PATJ: variants seen among roughly 807,000 people sequenced by gnomAD.
PATJ encodes inaD-like protein.
In PATJ, 190 loss-of-function variants were observed where a neutral mutation model predicts 224.9. That is an observed-to-expected ratio of 0.84 (90% CI 0.75 to 0.95). The LOEUF is 0.95. Ranked by LOEUF, PATJ falls within the 40% of genes least tolerant of loss-of-function variation. The pLI is 0.00. For missense variants in PATJ, 2,121 were observed against 2,270.3 expected (o/e 0.93, Z 1.34); for synonymous variants, 769 against 820.3 (o/e 0.94, Z 1.07).
In PATJ at chr1:61,896,423, G is replaced by C. The variant is rs533469054; in HGVS notation, c.3132-3160G>C. ...GAATGAAAACATTTACCCAATGCCT[G>C]TACCCCCATTGTATCTTGGGAATAA... On this transcript the variant is annotated intron_variant, in intron 22 of 43. Coordinates refer to ENST00000642238, the MANE Select transcript of PATJ (RefSeq NM_001350145.3). Among the ~76,000 whole-genome samples the C allele has an allele frequency of 1.2e-4, 18 of 152,140 alleles. No individual in the cohort carries two copies. The East Asian group carries it at 2.7e-3, about 23-fold the overall frequency.
At chr1:61,889,259 T>C (rs747873810) in intron 22 of PATJ, among the ~76,000 whole-genome samples, 18 of 152,214 alleles carry the variant, frequency 1.2e-4, no homozygotes, top group Non-Finnish European at 2.4e-4. Context: ...ATGATTGTGA[T>C]GTTTTATCTA....
chr1:61,846,007 T>A (rs1251437079), intron 17 of PATJ: 1 of 152,212 alleles, frequency 6.6e-6, no homozygotes, highest in Non-Finnish European at 1.5e-5. Context: ...TTGGTCTAAG[T>A]TACATATGCT....
At chr1:62,022,176 T>C (rs970138691) in intron 29 of PATJ, among the ~76,000 whole-genome samples, 3 of 152,200 alleles carry the variant, frequency 2.0e-5, no homozygotes, top group African/African-American at 7.2e-5. Flanking sequence ...CTTTAGTCTA[T>C]AGCAATGTAC....
At chr1:61,751,352 T>C (rs1209258000) in intron 1 of PATJ, among the ~76,000 whole-genome samples, 2 of 152,070 alleles carry the variant, frequency 1.3e-5, no homozygotes, top group Non-Finnish European at 2.9e-5. Flanking sequence ...CAGTCGGCAG[T>C]GCGGGTAAAA....
rs747065507 is a variant in PATJ at position 62,071,490 on chromosome 1, C to CTTTTT, written c.4126-7944_4126-7940dup. ...ATAACCTGTTCAGGTTTGTAGATCA[C>CTTTTT]TTTTTTTTTTTTTTTTTTTTGAGAC... On this transcript the variant is annotated intron_variant, in intron 31 of 43. Coordinates refer to ENST00000642238, the MANE Select transcript of PATJ (RefSeq NM_001350145.3). 1.6e-4 allele frequency among the ~76,000 whole-genome samples: 19 copies of CTTTTT among 117,742 alleles called. 1 individual carries two copies. Among genetic ancestry groups the CTTTTT allele is most frequent in the African/African-American group, 4.5e-4 (14 of 31,356 alleles). The allele number at this position is 117,742 out of a possible 152,430, so 77.2% of individuals were successfully genotyped here. A position where few individuals can be genotyped will look rare whatever the true frequency, so the allele number is the denominator to read the frequency against.
At chr1:61,796,226 C>T (rs12030784) in intron 10 of PATJ, among the ~76,000 whole-genome samples, 24,666 of 152,132 alleles carry the variant, frequency 0.16, 2,430 homozygotes, top group East Asian at 0.47. Context: ...AGTTGAAATA[C>T]TTACAGCTAG....
intron 30 of PATJ, chr1:62,038,802 A>T (rs1650922388): frequency 1.6e-6 from 1 of 611,750 alleles, no homozygotes. Context: ...TTCTTTCAAC[A>T]CGTGTTCAGG....
intron 27 of PATJ, among the ~76,000 whole-genome samples, chr1:61,932,666 G>A (rs904147359): frequency 6.6e-6 from 1 of 152,202 alleles, no homozygotes; most frequent in African/African-American, 2.4e-5. Context: ...TTGGGAGGCC[G>A]AGGTGGGTGG....
chr1:62,152,771 C>T (rs1191241008), intron 42 of PATJ, among the ~76,000 whole-genome samples: 3 of 152,186 alleles, frequency 2.0e-5, no homozygotes, highest in Admixed American at 1.3e-4. Flanking sequence ...CTAGGAGACA[C>T]GCTACCTCTG....
intron 41 of PATJ, among the ~76,000 whole-genome samples, chr1:62,139,511 C>A (rs1227181757): frequency 6.6e-6 from 1 of 152,022 alleles, no homozygotes; most frequent in Non-Finnish European, 1.5e-5. Context: ...CAGTCAGTCC[C>A]TGATGGTGAT....
At chr1:61,996,281 A>G (rs1279199907) in intron 28 of PATJ, among the ~76,000 whole-genome samples, 2 of 152,216 alleles carry the variant, frequency 1.3e-5, no homozygotes, top group Non-Finnish European at 2.9e-5. Context: ...TAAAAGTTAA[A>G]TGACTGGCCC....
intron 33 of PATJ, among the ~76,000 whole-genome samples, chr1:62,089,547 A>G (rs17123057): frequency 0.083 from 12,701 of 152,236 alleles, 991 homozygotes; most frequent in African/African-American, 0.21. Context: ...ATCAAAAGCC[A>G]TAAGTTAGAC....
rs1449247193 is a variant in PATJ, at chr1:62,127,953, T to C, written c.5044-19T>C. 5.0e-6 allele frequency: 8 copies of C among 1,613,350 alleles called. No individual in the cohort carries two copies. In the African/African-American group the frequency reaches 8.0e-5, roughly 16 times the overall value. On this transcript the variant is annotated intron_variant, in intron 39 of 43. Transcript: ENST00000642238. ...CTCTTTATTAAATATAAAAGCATTA[T>C]GTTTTCTTCCTTTTTTAGGAGCTCA...
chr1:62,105,918 T>C (rs184868317), intron 33 of PATJ, among the ~76,000 whole-genome samples: 137 of 150,350 alleles, frequency 9.1e-4, no homozygotes, highest in Admixed American at 1.7e-3. Flanking sequence ...TGTTTTTCTG[T>C]TGTTATTTTG....
chr1:61,764,420 AT>A (rs59652657), intron 3 of PATJ, among the ~76,000 whole-genome samples: 8,337 of 147,620 alleles, frequency 0.056, 479 homozygotes, highest in African/African-American at 0.15. Flanking sequence ...CAGTTGTGGG[AT>A]TTTTTTTTTT....
At chr1:62,104,224 G>C (rs1662594918) in intron 33 of PATJ, among the ~76,000 whole-genome samples, 1 of 152,110 alleles carries the variant, frequency 6.6e-6, no homozygotes, top group Admixed American at 6.5e-5. Flanking sequence ...ATCCAATGAT[G>C]AGATAAGCAT....
chr1:61,860,530 A>G (rs544646502), intron 18 of PATJ, among the ~76,000 whole-genome samples: 83 of 152,112 alleles, frequency 5.5e-4, no homozygotes, highest in Non-Finnish European at 1.1e-3. Context: ...GCTCATCTGT[A>G]AGATGAGGAT....
chr1:61,829,301 T>A (rs1658896006), intron 16 of PATJ, among the ~76,000 whole-genome samples: 1 of 152,260 alleles, frequency 6.6e-6, no homozygotes. Context: ...TTTAAAAAAA[T>A]GTTTAACTTG....
At chr1:62,005,417 G>GGT (rs1646030352) in intron 28 of PATJ, among the ~76,000 whole-genome samples, 1 of 116,312 alleles carries the variant, frequency 8.6e-6, no homozygotes, top group African/African-American at 2.7e-5. Flanking sequence ...ATATGATGTG[G>GGT]TTTTTTTTTT....
Sources: allele counts gnomAD v4.1 joint callset (sites outside exome capture counted in the v4.1 genomes callset), GRCh38; gene constraint gnomAD v4.1.1; transcripts MANE v1.5; gene names NCBI Gene and HGNC (gene_info 2026-07-23, HGNC 2026-07-21).